Variants in TBC1D9 observed in about 807,000 individuals in gnomAD.
TBC1D9 encodes the protein TBC1 domain family member 9.
A neutral mutation model predicts 132.0 loss-of-function variants in TBC1D9; 63 were observed. That is an observed-to-expected ratio of 0.48 (90% CI 0.39 to 0.59). The LOEUF (loss-of-function observed/expected upper bound fraction) is 0.59. TBC1D9 is among the 20% of genes least tolerant of loss of function. The pLI is 0.00. For missense variants in TBC1D9, 1,261 were observed against 1,592.7 expected (o/e 0.79, Z 3.54); for synonymous variants, 610 against 609.9 (o/e 1.00, Z 0.00).
chr4:140,622,567 G>A lies in TBC1D9; in HGVS notation c.3429C>T (p.Asn1143=), dbSNP rs1578810411. ...IKLEDSSPRD[N]GACSSMLISD... ...AGATCAGCATGGAGGAGCAGGCCCC[G>A]TTGTCCCGGGGCGAGGAGTCCTCCA... The change falls in exon 21 of 21, where the codon AAC becomes AAT. Residue 1143 remains asparagine, a synonymous_variant. Transcript: ENST00000442267. 3 of 1,614,038 alleles carry A rather than the reference G, an allele frequency of 1.9e-6. No individual in the cohort carries two copies. Among genetic ancestry groups the A allele is most frequent in the Non-Finnish European group, 2.5e-6 (3 of 1,179,894 alleles).
At position 140,735,683 on chromosome 4, in the gene TBC1D9, C is replaced by T. The variant is rs575884398; in HGVS notation, c.130+20233G>A. ...CTATAATTGCACCACTGCACTCCAG[C>T]CCAGATGACAGAGCAAAACCCTGTC... On this transcript the variant is annotated intron_variant, in intron 1 of 20. Coordinates refer to ENST00000442267, the MANE Select transcript of TBC1D9 (RefSeq NM_015130.3). Among the ~76,000 whole-genome samples the T allele has an allele frequency of 7.2e-5, 11 of 152,244 alleles. No individual in the cohort carries two copies. In the East Asian group the frequency reaches 2.1e-3, roughly 29 times the overall value.
chr4:140,711,801 TA>T (rs1249640766), intron 1 of TBC1D9, among the ~76,000 whole-genome samples: 1 of 152,150 alleles, frequency 6.6e-6, no homozygotes, highest in Admixed American at 6.5e-5. Flanking sequence ...CCAATTTGTC[TA>T]AAAAAGTATA....
At chr4:140,689,987 G>A (rs139079920) in intron 2 of TBC1D9, among the ~76,000 whole-genome samples, 2,277 of 151,516 alleles carry the variant, frequency 0.015, 16 homozygotes, top group Non-Finnish European at 0.023. Flanking sequence ...CTCCTGAAGT[G>A]CTGGGGTTAC....
chr4:140,631,305 C>A (rs1157846059), intron 16 of TBC1D9, among the ~76,000 whole-genome samples: 2 of 152,090 alleles, frequency 1.3e-5, no homozygotes, highest in African/African-American at 4.8e-5. Flanking sequence ...TCACTGCAAC[C>A]TCTGCCTCCC....
intron 13 of TBC1D9, among the ~76,000 whole-genome samples, chr4:140,647,910 C>A (rs1737126593): frequency 6.6e-6 from 1 of 151,660 alleles, no homozygotes; most frequent in Non-Finnish European, 1.5e-5. Context: ...TCTCTCCCTC[C>A]CCCGACTTTG....
At chr4:140,659,432 A>G in intron 11 of TBC1D9, 156 bp downstream of exon 11, 1 of 563,482 alleles carries the variant, frequency 1.8e-6, no homozygotes, top group East Asian at 2.8e-5. Context: ...TACAACCTAT[A>G]TTTATTCAAC....
chr4:140,696,836 C>T (rs1033445837), intron 2 of TBC1D9, among the ~76,000 whole-genome samples: 2 of 152,218 alleles, frequency 1.3e-5, no homozygotes, highest in Admixed American at 6.5e-5. Context: ...GTGATTTAGA[C>T]TTACCCAATT....
intron 15 of TBC1D9, among the ~76,000 whole-genome samples, chr4:140,637,768 G>T (rs1483490518): frequency 1.3e-5 from 2 of 152,094 alleles, no homozygotes; most frequent in African/African-American, 4.8e-5. Flanking sequence ...GCTGGCAGGG[G>T]TGCCACTGTC....
At position 140,655,206 on chromosome 4, in the gene TBC1D9, A is replaced by G. The variant is rs138069732; in HGVS notation, c.2337+1891T>C. On this transcript the variant is annotated intron_variant, in intron 13 of 20. Coordinates refer to ENST00000442267, the MANE Select transcript of TBC1D9 (RefSeq NM_015130.3). ...ATTTTTTTCTTCCTATTTCCCTACA[A>G]TTTCTAAAATGAACATGTATTGCTT... 8.2e-4 allele frequency among the ~76,000 whole-genome samples: 125 copies of G among 152,240 alleles called. 1 individual carries two copies. The highest frequency in any genetic ancestry group is 3.4e-3 in the Middle Eastern group (1 of 292).
Position 140,732,262 on chromosome 4 carries a change from A to C in TBC1D9, c.130+23654T>G, listed in dbSNP as rs186077951. Among the ~76,000 whole-genome samples, 56 of 152,308 alleles carry C rather than the reference A, an allele frequency of 3.7e-4. No homozygotes were observed. In the East Asian group the frequency reaches 6.4e-3, roughly 17 times the overall value. ...AGAGGTATGGGAGATATTATACCTT[A>C]ATCTTCTCCAGTTGACCTCCAAGAC... On this transcript the variant is annotated intron_variant, in intron 1 of 20. Transcript: ENST00000442267.
intron 1 of TBC1D9, among the ~76,000 whole-genome samples, chr4:140,702,519 G>A (rs2111040519): frequency 6.6e-6 from 1 of 152,318 alleles, no homozygotes; most frequent in Admixed American, 6.5e-5. Context: ...AGGCACTCCA[G>A]CCATGCGGAG....
chr4:140,648,376 TTTG>T (rs1364198653), intron 13 of TBC1D9, among the ~76,000 whole-genome samples: 84 of 150,954 alleles, frequency 5.6e-4, no homozygotes, highest in Non-Finnish European at 8.4e-4. Flanking sequence ...GAAAGGCAGT[TTTG>T]TTGTTGTTTT....
intron 16 of TBC1D9, among the ~76,000 whole-genome samples, chr4:140,631,384 G>A (rs1415461246): frequency 2.0e-5 from 3 of 152,008 alleles, no homozygotes; most frequent in East Asian, 3.9e-4. Flanking sequence ...CAGTACGCCC[G>A]GCTAATTTTT....
intron 13 of TBC1D9, among the ~76,000 whole-genome samples, chr4:140,652,170 G>A (rs1737196590): frequency 6.6e-6 from 1 of 151,836 alleles, no homozygotes; most frequent in Admixed American, 6.6e-5. Context: ...GAACCCCGGA[G>A]GTGGAGGTTG....
intron 1 of TBC1D9, among the ~76,000 whole-genome samples, chr4:140,702,932 C>T (rs1434276173): frequency 6.6e-6 from 1 of 152,058 alleles, no homozygotes; most frequent in Non-Finnish European, 1.5e-5. Flanking sequence ...ACTTTATTTC[C>T]AAAAATCTCC....
In TBC1D9 at chr4:140,756,015, C is replaced by T. The variant is rs1387067483; in HGVS notation, c.31G>A (p.Ala11Thr). 6 of 1,609,684 alleles carry T rather than the reference C, an allele frequency of 3.7e-6. No homozygotes were observed. Among genetic ancestry groups the T allele is most frequent in the Admixed American group, 1.7e-5 (1 of 59,826 alleles). The change falls in exon 1 of 21, where the codon GCC (alanine) becomes ACC (threonine). Residue 11 changes from alanine (A) to threonine (T), a missense_variant. By Grantham distance (58) the Ala-to-Thr change is moderately conservative (BLOSUM62 0). Coordinates refer to ENST00000442267, the MANE Select transcript of TBC1D9 (RefSeq NM_015130.3). The surrounding 1 kb of genome is among the most constrained non-coding windows in gnomAD (Gnocchi z 5.6). MWVNPEEVLL[A>T]NALWITERAN... ...CTCTCGGTGATCCACAGCGCGTTGG[C>T]CAGCAACACCTCCTCCGGGTTCACC...
At chr4:140,648,823 C>T (rs1023035017) in intron 13 of TBC1D9, among the ~76,000 whole-genome samples, 2 of 152,132 alleles carry the variant, frequency 1.3e-5, no homozygotes, top group Non-Finnish European at 2.9e-5. Flanking sequence ...TGTTCCCTTT[C>T]TCTCCCCCAG....
chr4:140,720,699 G>C (rs7686941), intron 1 of TBC1D9, among the ~76,000 whole-genome samples: 44,923 of 152,134 alleles, frequency 0.3, 7,883 homozygotes, highest in South Asian at 0.43. Flanking sequence ...CAAGTTCTCT[G>C]CTGTTGCTAT....
At chr4:140,755,888 T>A (rs1047043383) in intron 1 of TBC1D9, 28 bp downstream of exon 1, 14 of 1,522,054 alleles carry the variant, frequency 9.2e-6, no homozygotes, top group Non-Finnish European at 1.2e-5. Context: ...CCGGCTCCCC[T>A]CCTGCAGGGA....
Sources: gnomAD v4.1 joint callset for allele counts (sites outside exome capture counted in the v4.1 genomes callset) on GRCh38, gnomAD v4.1.1 for gene constraint, Gnocchi (gnomAD v3.1) non-coding constraint, MANE v1.5 for transcripts, NCBI Gene and HGNC (gene_info 2026-07-23, HGNC 2026-07-21) for gene names.